Variants in SPACA7 observed in about 807,000 individuals in gnomAD.
SPACA7 encodes sperm acrosome-associated protein 7.
In SPACA7, 19 loss-of-function variants were observed where a neutral mutation model predicts 26.3. The ratio of observed to expected loss-of-function variants is 0.72; its 90% CI spans 0.50 to 1.06. SPACA7 has a LOEUF of 1.06. Ranked by LOEUF, SPACA7 falls within the 50% of genes least tolerant of loss-of-function variation. The probability of loss-of-function intolerance (pLI) is 0.00; values close to 1 mark genes in which losing one functional copy is unlikely to be tolerated. For synonymous variants in SPACA7, 84 were observed against 84.5 expected (o/e 0.99, Z 0.04); for missense variants, 211 against 229.9 (o/e 0.92, Z 0.53).
At chr13:112,382,405 C>T (rs1884133734) in intron 1 of SPACA7, 1 of 1,545,714 alleles carries the variant, frequency 6.5e-7, no homozygotes, top group African/African-American at 1.4e-5. Context: ...GCCAATAACA[C>T]CTTAATCTTC....
intron 2 of SPACA7, among the ~76,000 whole-genome samples, chr13:112,395,688 T>A (rs1885199406): frequency 6.6e-6 from 1 of 152,164 alleles, no homozygotes; most frequent in Non-Finnish European, 1.5e-5. Flanking sequence ...CAGGCTGGTC[T>A]CAAAGTCCTA....
chr13:112,399,143 C>T lies in SPACA7; in HGVS notation c.319C>T (p.Pro107Ser), dbSNP rs774605832. ...HELLENLQFS[P>S]GIEVKISNDE... ...ATTATTAGAGAATTTACAATTCTCT[C>T]CTGGCATTGAGGTCAAAATTTCCAA... is the stretch of plus-strand genomic sequence containing the variant. Residue 107 changes from proline (P) to serine (S), a missense_variant, in exon 4 of 7, where the codon CCT (proline) becomes TCT (serine). Physicochemically the swap from Pro to Ser is moderately conservative, Grantham distance 74 (BLOSUM62 -1). Transcript: ENST00000283550. 6.2e-7 allele frequency: 1 copy of T among 1,605,932 alleles called. No homozygotes were observed. The highest frequency in any genetic ancestry group is 8.5e-7 in the Non-Finnish European group (1 of 1,172,574).
chr13:112,408,382 G>C (rs984767995), intron 5 of SPACA7, among the ~76,000 whole-genome samples: 2 of 152,130 alleles, frequency 1.3e-5, no homozygotes, highest in Non-Finnish European at 2.9e-5. Flanking sequence ...AATCAGGCAG[G>C]AGAAAGAAAT....
chr13:112,385,757 T>G (rs1884485135), intron 1 of SPACA7, among the ~76,000 whole-genome samples: 1 of 152,240 alleles, frequency 6.6e-6, no homozygotes, highest in Admixed American at 6.5e-5. Flanking sequence ...TGAACAAAAA[T>G]GCATTAAAGT....
At chr13:112,381,497 A>C (rs1186809407) in intron 1 of SPACA7, among the ~76,000 whole-genome samples, 8 of 125,836 alleles carry the variant, frequency 6.4e-5, no homozygotes, top group East Asian at 4.1e-4. Flanking sequence ...TGTCCCCCAA[A>C]AAAAAAAAAA....
chr13:112,383,126 AAAG>A (rs1432121126), intron 1 of SPACA7, among the ~76,000 whole-genome samples: 45 of 3,060 alleles, frequency 0.015, 1 homozygote, highest in South Asian at 0.12. Context: ...AAAAGAAAAG[AAAG>A]AAAGAAAGAA....
At chr13:112,378,236 G>C (rs1259011949) in intron 1 of SPACA7, among the ~76,000 whole-genome samples, 1 of 152,150 alleles carries the variant, frequency 6.6e-6, no homozygotes, top group Non-Finnish European at 1.5e-5. Flanking sequence ...ATCCAGTCCA[G>C]TTTACAGGTA....
At chr13:112,412,572 G>C (rs930932126) in intron 5 of SPACA7, among the ~76,000 whole-genome samples, 1 of 152,012 alleles carries the variant, frequency 6.6e-6, no homozygotes, top group African/African-American at 2.4e-5. Flanking sequence ...TACTTCTAAT[G>C]TTTTCATAGT....
chr13:112,423,584 A>G (rs146743148), intron 5 of SPACA7, among the ~76,000 whole-genome samples: 2,088 of 152,334 alleles, frequency 0.014, 46 homozygotes, highest in African/African-American at 0.048. Flanking sequence ...ACCAGGAAAC[A>G]TAAAAGGTAA....
intron 5 of SPACA7, among the ~76,000 whole-genome samples, chr13:112,428,097 T>C (rs934230545): frequency 2.6e-5 from 4 of 152,242 alleles, no homozygotes; most frequent in South Asian, 2.1e-4. Context: ...AACTTTTTGA[T>C]GTGAATACTT....
chr13:112,408,556 G>A (rs1251334125), intron 5 of SPACA7, among the ~76,000 whole-genome samples: 2 of 93,958 alleles, frequency 2.1e-5, no homozygotes, highest in African/African-American at 7.7e-5. Context: ...AAAATCACAA[G>A]CATTCTTATA....
At chr13:112,427,722 AATAG>A (rs1473927272) in intron 5 of SPACA7, among the ~76,000 whole-genome samples, 3 of 152,188 alleles carry the variant, frequency 2.0e-5, no homozygotes, top group African/African-American at 4.8e-5. Flanking sequence ...TAATTTATTT[AATAG>A]ATAGAGAGCT....
chr13:112,396,813 A>G (rs887594261), intron 2 of SPACA7, among the ~76,000 whole-genome samples: 1 of 152,164 alleles, frequency 6.6e-6, no homozygotes, highest in Non-Finnish European at 1.5e-5. Flanking sequence ...ATACAAGGCC[A>G]TGTCCCTGAG....
chr13:112,383,799 T>G (rs895505200), intron 1 of SPACA7, among the ~76,000 whole-genome samples: 1 of 152,248 alleles, frequency 6.6e-6, no homozygotes, highest in African/African-American at 2.4e-5. Flanking sequence ...TAAAGAAGCA[T>G]GCCAGTCCAG....
At position 112,398,093 on chromosome 13, in the gene SPACA7, C is replaced by T. The variant is rs1420969682; in HGVS notation, c.196C>T (p.Pro66Ser). 3 of 1,613,972 alleles carry T rather than the reference C, an allele frequency of 1.9e-6. No homozygotes were observed. The highest frequency in any genetic ancestry group is 3.3e-5 in the Admixed American group (2 of 60,010). Residue 66 changes from proline to serine, a missense_variant, in exon 3 of 7, where the codon CCG becomes TCG. Physicochemically the swap from Pro to Ser is moderately conservative, Grantham distance 74. Coordinates refer to ENST00000283550, the MANE Select transcript of SPACA7 (RefSeq NM_145248.5). ...QEILDLNKTTPSEMPSTASTL... is the reference protein window; with the variant it reads ...QEILDLNKTTSSEMPSTASTL... ...GATTTTAGATCTGAATAAAACAACACCGAGCGAAATGCCAAGTACAGCATC... is the reference window on the plus strand; with the variant it reads ...GATTTTAGATCTGAATAAAACAACATCGAGCGAAATGCCAAGTACAGCATC...
At chr13:112,430,694 G>A (rs370782713) in intron 5 of SPACA7, among the ~76,000 whole-genome samples, 47 of 152,110 alleles carry the variant, frequency 3.1e-4, no homozygotes, top group African/African-American at 9.9e-4. Context: ...CCTCATCTAC[G>A]CATGAAGACT....
rs1877552942 is a variant in SPACA7 at position 112,434,564 on chromosome 13, AC to A, written c.*20del. On this transcript the variant is annotated 3_prime_UTR_variant, in exon 7 of 7. Coordinates refer to ENST00000283550, the MANE Select transcript of SPACA7 (RefSeq NM_145248.5). ...GCAGTCAGTGAGGCCGCAGCCCCAG[AC>A]CCCCTGCGCAGGAGAGGAGCCTGCT... The A allele has an allele frequency of 1.9e-6, 3 of 1,594,272 alleles. No homozygotes were observed. Among genetic ancestry groups the A allele is most frequent in the African/African-American group, 1.3e-5 (1 of 74,332 alleles).
At chr13:112,383,173 GAAAGAA>G (rs1884296926) in intron 1 of SPACA7, among the ~76,000 whole-genome samples, 1 of 114,090 alleles carries the variant, frequency 8.8e-6, no homozygotes, top group Admixed American at 9.1e-5. Flanking sequence ...AAGAAAGAAA[GAAAGAA>G]AGAAAGAAAG....
intron 2 of SPACA7, among the ~76,000 whole-genome samples, chr13:112,394,981 T>A (rs900148714): frequency 1.3e-5 from 2 of 152,180 alleles, no homozygotes; most frequent in Admixed American, 1.3e-4. Context: ...ACAGTGAGAA[T>A]TCAAATCCCT....
Sources: allele counts gnomAD v4.1 joint callset (sites outside exome capture counted in the v4.1 genomes callset), GRCh38; gene constraint gnomAD v4.1.1; transcripts MANE v1.5; gene names NCBI Gene and HGNC (gene_info 2026-07-23, HGNC 2026-07-21).